Variants in PDZRN4 observed in about 807,000 individuals in gnomAD.
The protein encoded by PDZRN4 is PDZ domain-containing RING finger protein 4.
A neutral mutation model predicts 99.0 loss-of-function variants in PDZRN4; 70 were observed. The ratio of observed to expected loss-of-function variants is 0.71; its 90% CI spans 0.58 to 0.86. The LOEUF (loss-of-function observed/expected upper bound fraction) is 0.86, where lower values mean the gene tolerates loss of function less well. Among genes scored for constraint, PDZRN4 ranks in the 40% least tolerant of loss-of-function variants. The pLI, the probability that PDZRN4 is intolerant of heterozygous loss-of-function variation, is 0.00. For missense variants in PDZRN4, 1,474 were observed against 1,331.2 expected (o/e 1.11, Z -1.67); for synonymous variants, 551 against 501.6 (o/e 1.10, Z -1.32).
intron 3 of PDZRN4, among the ~76,000 whole-genome samples, chr12:41,476,913 T>G (rs891845188): frequency 1.3e-5 from 2 of 152,212 alleles, no homozygotes; most frequent in Non-Finnish European, 2.9e-5. Context: ...CTTCCTCCCC[T>G]CTTCCTCACG....
intron 3 of PDZRN4, among the ~76,000 whole-genome samples, chr12:41,453,379 CCTT>C (rs1049764473): frequency 2.6e-5 from 4 of 152,170 alleles, no homozygotes; most frequent in African/African-American, 9.7e-5. Flanking sequence ...GTTACATTGT[CCTT>C]CTCCTCTTTA....
chr12:41,223,095 T>C (rs1950969209), intron 3 of PDZRN4, among the ~76,000 whole-genome samples: 1 of 152,176 alleles, frequency 6.6e-6, no homozygotes, highest in African/African-American at 2.4e-5. Context: ...ACCAGTCTAA[T>C]ATAAAGAATG....
chr12:41,502,213 T>C (rs1464081033), intron 3 of PDZRN4, among the ~76,000 whole-genome samples: 1 of 152,100 alleles, frequency 6.6e-6, no homozygotes, highest in Non-Finnish European at 1.5e-5. Context: ...CGAATATCAA[T>C]GGCACAAACC....
chr12:41,251,473 G>A (rs779901221), intron 3 of PDZRN4, among the ~76,000 whole-genome samples: 1 of 151,886 alleles, frequency 6.6e-6, no homozygotes, highest in Non-Finnish European at 1.5e-5. Flanking sequence ...TTATAAATTT[G>A]GTATTTGTTC....
chr12:41,271,671 C>T (rs1951315032), intron 3 of PDZRN4, among the ~76,000 whole-genome samples: 1 of 152,056 alleles, frequency 6.6e-6, no homozygotes, highest in Non-Finnish European at 1.5e-5. Context: ...ACAGCCTGGA[C>T]CCGGATTCTG....
rs758669652 is a variant in PDZRN4, at chr12:41,191,550, A to G, written c.735+6A>G. Reference sequence around the variant, plus strand: ...TAGGAGGTCGACCAAATCAGGTAAAACACCTTGTTAATGCATTACTCGTTA... The same window carrying G: ...TAGGAGGTCGACCAAATCAGGTAAAGCACCTTGTTAATGCATTACTCGTTA... On this transcript the variant is annotated splice_donor_region_variant and intron_variant, in intron 2 of 9. Coordinates refer to ENST00000402685, the MANE Select transcript of PDZRN4 (RefSeq NM_001164595.2). 5 of 1,341,114 alleles carry G rather than the reference A, an allele frequency of 3.7e-6. No individual in the cohort carries two copies. The highest frequency in any genetic ancestry group is 1.7e-5 in the Admixed American group (1 of 58,746). The allele number at this position is 1,341,114 out of a possible 1,614,324, so 83.1% of individuals were successfully genotyped here.
intron 5 of PDZRN4, among the ~76,000 whole-genome samples, chr12:41,536,646 T>C (rs910457066): frequency 6.6e-5 from 10 of 152,140 alleles, no homozygotes; most frequent in Admixed American, 3.9e-4. Flanking sequence ...GTGGAGGATG[T>C]TGATAATAGA....
In PDZRN4 at chr12:41,194,246, G is replaced by T. The variant is rs954580298; in HGVS notation, c.843+58G>T. The T allele has an allele frequency of 4.7e-6, 4 of 843,464 alleles. No homozygotes were observed. In the Admixed American group the frequency reaches 7.8e-5, roughly 16 times the overall value. The allele number at this position is 843,464 out of a possible 1,614,324, so 52.2% of individuals were successfully genotyped here. A position where few individuals can be genotyped will look rare whatever the true frequency, so the allele number is the denominator to read the frequency against. ...TGCAAGAAAGATTGGGATATTTTAA[G>T]TTTTCAAATTTACCACTTTACCTTG... On this transcript the variant is annotated intron_variant, in intron 3 of 9. Coordinates refer to ENST00000402685, the MANE Select transcript of PDZRN4 (RefSeq NM_001164595.2).
intron 3 of PDZRN4, among the ~76,000 whole-genome samples, chr12:41,276,170 G>C (rs912065358): frequency 6.6e-6 from 1 of 152,112 alleles, no homozygotes; most frequent in Non-Finnish European, 1.5e-5. Context: ...TATTACAATG[G>C]TTTGTGGCTC....
chr12:41,529,761 T>C (rs1292080880), intron 5 of PDZRN4, among the ~76,000 whole-genome samples: 1 of 152,196 alleles, frequency 6.6e-6, no homozygotes, highest in Admixed American at 6.5e-5. Context: ...AGATTCTGAG[T>C]GTCCTCAGGG....
intron 3 of PDZRN4, among the ~76,000 whole-genome samples, chr12:41,503,582 A>C (rs1938148588): frequency 6.6e-6 from 1 of 152,224 alleles, no homozygotes; most frequent in Admixed American, 6.5e-5. Flanking sequence ...TACTTAGCTT[A>C]TAGTAACACA....
At chr12:41,352,016 A>C (rs1349576127) in intron 3 of PDZRN4, among the ~76,000 whole-genome samples, 1 of 58,618 alleles carries the variant, frequency 1.7e-5, no homozygotes, top group Non-Finnish European at 4.5e-5. Flanking sequence ...AAAATTTCAA[A>C]GGAATAAAAA....
intron 3 of PDZRN4, among the ~76,000 whole-genome samples, chr12:41,457,031 C>A (rs973331335): frequency 6.6e-5 from 10 of 152,066 alleles, no homozygotes; most frequent in Non-Finnish European, 7.4e-5. Context: ...TACAGATGAG[C>A]CTTTATCTGT....
intron 3 of PDZRN4, among the ~76,000 whole-genome samples, chr12:41,442,887 T>C (rs980925494): frequency 2.0e-5 from 3 of 152,088 alleles, no homozygotes; most frequent in African/African-American, 7.2e-5. Flanking sequence ...AAATAGCAAG[T>C]CCTCAGAATG....
At chr12:41,539,828 C>A (rs1015687014) in intron 5 of PDZRN4, among the ~76,000 whole-genome samples, 2 of 152,124 alleles carry the variant, frequency 1.3e-5, no homozygotes, top group Non-Finnish European at 2.9e-5. Flanking sequence ...ACGGGCATCT[C>A]CCAGTCTGGA....
At position 41,572,412 on chromosome 12, in the gene PDZRN4, T is replaced by G. The variant is rs1303506810; in HGVS notation, c.1633T>G (p.Ser545Ala). 2 of 1,613,976 alleles carry G rather than the reference T, an allele frequency of 1.2e-6. No individual in the cohort carries two copies. Among genetic ancestry groups the G allele is most frequent in the Non-Finnish European group, 1.7e-6 (2 of 1,180,004 alleles). The change falls in exon 10 of 10, where the codon TCA becomes GCA. Residue 545 changes from serine to alanine, a missense_variant. Ser to Ala is a moderately conservative substitution (Grantham distance 99, BLOSUM62 1). Coordinates refer to ENST00000402685, the MANE Select transcript of PDZRN4 (RefSeq NM_001164595.2). ...AGGCACAACAGACACTGCAACATCC[T>G]CATCCAACAACCATGAGAAGGACAG... ...EEGTTDTATS[S>A]SNNHEKDSGV... is the part of the protein sequence containing the mutation.
Position 41,426,775 on chromosome 12 carries a change from G to A in PDZRN4, c.844-79681G>A, listed in dbSNP as rs150262573. ...TTAGCATATCAGAAATTATAATGAT[G>A]TGAGGCATTCAAGAATTTGTCTAGT... is the stretch of plus-strand genomic sequence containing the variant. On this transcript the variant is annotated intron_variant, in intron 3 of 9. Transcript: ENST00000402685. Among the ~76,000 whole-genome samples the A allele has an allele frequency of 4.1e-3, 629 of 152,284 alleles. 4 individuals are homozygous for A. The highest frequency in any genetic ancestry group is 0.015 in the African/African-American group (605 of 41,552).
intron 3 of PDZRN4, among the ~76,000 whole-genome samples, chr12:41,360,112 C>T (rs1951954238): frequency 6.6e-6 from 1 of 151,958 alleles, no homozygotes; most frequent in Non-Finnish European, 1.5e-5. Context: ...ATGATTAGCT[C>T]CATGAACATA....
intron 3 of PDZRN4, among the ~76,000 whole-genome samples, chr12:41,425,613 G>T (rs2120421577): frequency 6.6e-6 from 1 of 152,134 alleles, no homozygotes; most frequent in Non-Finnish European, 1.5e-5. Context: ...TGTCTCCTGT[G>T]CTATAAAATA....
Sources: gnomAD v4.1 joint callset for allele counts (sites outside exome capture counted in the v4.1 genomes callset) on GRCh38, gnomAD v4.1.1 for gene constraint, MANE v1.5 for transcripts, NCBI Gene and HGNC (gene_info 2026-07-23, HGNC 2026-07-21) for gene names.